Variants in CNTLN observed in about 807,000 individuals in gnomAD.
CNTLN encodes the protein centlein.
CNTLN carries 212 observed loss-of-function variants against 180.0 expected under a neutral mutation model. The observed-to-expected ratio is 1.18, with a 90% CI of 1.05 to 1.32. The LOEUF (loss-of-function observed/expected upper bound fraction) is 1.32. Ranked by LOEUF, CNTLN falls within the 40% of genes most tolerant of loss-of-function variation. The pLI is 0.00. For missense variants in CNTLN, 2,095 were observed against 1,610.9 expected, an observed-to-expected ratio of 1.30 and a Z score of -5.14; for synonymous variants, 722 against 563.1, an observed-to-expected ratio of 1.28 and a Z score of -3.99.
chr9:17,267,132 CT>C (rs1244495567), intron 5 of CNTLN, among the ~76,000 whole-genome samples: 1 of 151,994 alleles, frequency 6.6e-6, no homozygotes, highest in East Asian at 1.9e-4. Flanking sequence ...TCTTCCTATC[CT>C]TGATGGTCTT....
At chr9:17,217,918 T>C (rs929717177) in intron 2 of CNTLN, among the ~76,000 whole-genome samples, 2 of 152,160 alleles carry the variant, frequency 1.3e-5, no homozygotes, top group African/African-American at 2.4e-5. Flanking sequence ...GTATCTGATA[T>C]ATAAAGAGTA....
chr9:17,141,737 T>A (rs1818111672), intron 1 of CNTLN, among the ~76,000 whole-genome samples: 1 of 152,064 alleles, frequency 6.6e-6, no homozygotes, highest in African/African-American at 2.4e-5. Context: ...ATCATGTAGA[T>A]AAGGACAGTA....
At position 17,143,854 on chromosome 9, in the gene CNTLN, A is replaced by T. The variant is rs572273854; in HGVS notation, c.449+478A>T. Among the ~76,000 whole-genome samples, 3 of 152,312 alleles carry T rather than the reference A, an allele frequency of 2.0e-5. No homozygotes were observed. The South Asian group carries it at 6.2e-4, about 32-fold the overall frequency. On this transcript the variant is annotated intron_variant, in intron 2 of 25. Coordinates refer to ENST00000380647, the MANE Select transcript of CNTLN (RefSeq NM_017738.4). The stretch of plus-strand genomic sequence containing the variant: ...GTTAAAGGATTTTACTTAGCACTCC[A>T]TATTATCCTGTAGGAACTGCCCAGT...
At chr9:17,509,189 C>T in the CNTLN span, among the ~76,000 whole-genome samples, 3 of 152,176 alleles carry the variant, frequency 2.0e-5, no homozygotes, top group Non-Finnish European at 4.4e-5. Flanking sequence ...CTGGCTATGG[C>T]CACTACTGAG....
At chr9:17,234,209 C>T (rs897372755) in intron 3 of CNTLN, among the ~76,000 whole-genome samples, 2 of 152,020 alleles carry the variant, frequency 1.3e-5, no homozygotes, top group South Asian at 2.1e-4. Context: ...GTTATCTCAG[C>T]GGGGCCAAGC....
intron 12 of CNTLN, among the ~76,000 whole-genome samples, chr9:17,353,586 A>G (rs1438667947): frequency 2.2e-5 from 3 of 137,846 alleles, no homozygotes; most frequent in Admixed American, 7.6e-5. Flanking sequence ...TTATTGTAAT[A>G]GTTTTGTTTT....
At chr9:17,267,177 C>T (rs1033335902) in intron 5 of CNTLN, among the ~76,000 whole-genome samples, 12 of 151,900 alleles carry the variant, frequency 7.9e-5, no homozygotes, top group Non-Finnish European at 1.0e-4. Flanking sequence ...TGGCTGGTAC[C>T]GGTTGTTCCT....
At chr9:17,513,038 C>T in the CNTLN span, among the ~76,000 whole-genome samples, 3 of 152,238 alleles carry the variant, frequency 2.0e-5, no homozygotes, top group Admixed American at 6.5e-5. Context: ...CCAGAATGGT[C>T]TCAAACTCCT....
chr9:17,527,728 G>C, the CNTLN span, among the ~76,000 whole-genome samples: 5 of 152,184 alleles, frequency 3.3e-5, no homozygotes, highest in African/African-American at 4.8e-5. Context: ...TCCAATAAGA[G>C]GAACCAGGGC....
At chr9:17,500,113 C>T (rs1329435030) in intron 25 of CNTLN, among the ~76,000 whole-genome samples, 1 of 152,136 alleles carries the variant, frequency 6.6e-6, no homozygotes, top group Non-Finnish European at 1.5e-5. Context: ...AGGATTGACT[C>T]CTTTTTGAAA....
At chr9:17,283,514 T>C (rs984879556) in intron 6 of CNTLN, among the ~76,000 whole-genome samples, 1 of 152,182 alleles carries the variant, frequency 6.6e-6, no homozygotes, top group African/African-American at 2.4e-5. Flanking sequence ...GATGGGGTTT[T>C]CTAGATATAG....
At chr9:17,305,216 T>A (rs1818626257) in intron 7 of CNTLN, among the ~76,000 whole-genome samples, 2 of 152,162 alleles carry the variant, frequency 1.3e-5, no homozygotes, top group East Asian at 3.8e-4. Context: ...ACTTAATTTC[T>A]TCAACAGAAA....
rs138612407 is a variant in CNTLN at position 17,302,445 on chromosome 9, C to T, written c.1146+4093C>T. ...AACTCCTTACCTCAGGTGATCCATCCGCTTCAGCCTCCCAAAGTGCTGGGA... is the reference window on the plus strand; with the variant it reads ...AACTCCTTACCTCAGGTGATCCATCTGCTTCAGCCTCCCAAAGTGCTGGGA... On this transcript the variant is annotated intron_variant, in intron 7 of 25. Transcript: ENST00000380647. Among the ~76,000 whole-genome samples, 853 of 152,194 alleles carry T rather than the reference C, an allele frequency of 5.6e-3. 6 individuals are homozygous for T. The highest frequency in any genetic ancestry group is 0.02 in the Middle Eastern group (6 of 294).
intron 5 of CNTLN, among the ~76,000 whole-genome samples, chr9:17,269,989 T>G (rs1354326480): frequency 6.6e-6 from 1 of 152,182 alleles, no homozygotes; most frequent in Admixed American, 6.5e-5. Flanking sequence ...ATCTGAGTTT[T>G]GCACAGTCAT....
the CNTLN span, among the ~76,000 whole-genome samples, chr9:17,513,806 AAAG>A: frequency 2.0e-5 from 3 of 152,218 alleles, no homozygotes; most frequent in Non-Finnish European, 4.4e-5. Flanking sequence ...CAACTGAAAA[AAAG>A]ATATAACGAA....
rs1388785592 is a variant in CNTLN, at chr9:17,298,360, T to C, written c.1146+8T>C. The C allele has an allele frequency of 6.2e-7, 1 of 1,604,932 alleles. No homozygotes were observed. The highest frequency in any genetic ancestry group is 1.3e-5 in the African/African-American group (1 of 74,444). ...AGTATATCATATCAAAAAGTATGCT[T>C]TTATTCTGTAATAAAGATGTAAATG... On this transcript the variant is annotated splice_region_variant and intron_variant, in intron 7 of 25. Transcript: ENST00000380647.
chr9:17,343,748 A>AT (rs1452551204), intron 12 of CNTLN, among the ~76,000 whole-genome samples: 4 of 152,126 alleles, frequency 2.6e-5, no homozygotes, highest in African/African-American at 9.7e-5. Flanking sequence ...TGCACCGTCC[A>AT]TTATCACAAT....
the CNTLN span, among the ~76,000 whole-genome samples, chr9:17,513,691 G>A: frequency 4.7e-4 from 72 of 152,084 alleles, no homozygotes; most frequent in African/African-American, 1.6e-3. Context: ...GCAACAGAAT[G>A]CGACCCTGTC....
chr9:17,513,012 G>T, the CNTLN span, among the ~76,000 whole-genome samples: 19 of 152,124 alleles, frequency 1.2e-4, no homozygotes, highest in African/African-American at 3.6e-4. Flanking sequence ...TAGAGATGGG[G>T]GTTTCACCGT....
Sources: allele counts gnomAD v4.1 joint callset (sites outside exome capture counted in the v4.1 genomes callset), GRCh38; gene constraint gnomAD v4.1.1; transcripts MANE v1.5; gene names NCBI Gene and HGNC (gene_info 2026-07-23, HGNC 2026-07-21).